The following RIMS2 variants were observed in gnomAD, a reference collection of about 807,000 sequenced individuals.
RIMS2 encodes regulating synaptic membrane exocytosis 2.
RIMS2 carries 59 observed loss-of-function variants against 174.4 expected under a neutral mutation model. That is an observed-to-expected ratio of 0.34 (90% confidence interval 0.27 to 0.42). The LOEUF is 0.42. RIMS2 is among the 10% of genes least tolerant of loss of function. The pLI is 1.00. For missense variants in RIMS2, 1,620 were observed against 1,666.3 expected (o/e 0.97, Z 0.48); for synonymous variants, 606 against 572.5 (o/e 1.06, Z -0.84).
In RIMS2 at chr8:103,912,188, T is replaced by G. The variant is rs1004021924; in HGVS notation, c.1812+16T>G. Reference sequence around the variant, plus strand: ...TGGCTTGAAGGTATGTAATAAAAAGTATGAGATTTTGGCTCTATACTCTTA... The same window carrying G: ...TGGCTTGAAGGTATGTAATAAAAAGGATGAGATTTTGGCTCTATACTCTTA... On this transcript the variant is annotated intron_variant, in intron 6 of 23. Coordinates refer to ENST00000504942, the Ensembl canonical transcript of RIMS2. The G allele has an allele frequency of 1.3e-6, 2 of 1,597,588 alleles. No homozygotes were observed. The highest frequency in any genetic ancestry group is 1.7e-6 in the Non-Finnish European group (2 of 1,169,216).
intron 1 of RIMS2, among the ~76,000 whole-genome samples, chr8:103,633,731 G>T (rs904417091): frequency 6.6e-6 from 1 of 152,068 alleles, no homozygotes; most frequent in South Asian, 2.1e-4. Flanking sequence ...TCCATTCGGG[G>T]AATCAGTTTC....
intron 3 of RIMS2, among the ~76,000 whole-genome samples, chr8:103,812,966 A>G (rs1183927830): frequency 6.6e-6 from 1 of 152,218 alleles, no homozygotes; most frequent in East Asian, 1.9e-4. Context: ...AATGGAAGAG[A>G]GAATGCAGTT....
intron 2 of RIMS2, among the ~76,000 whole-genome samples, chr8:103,707,646 G>C (rs1028659607): frequency 1.3e-5 from 2 of 152,170 alleles, no homozygotes; most frequent in African/African-American, 2.4e-5. Context: ...GGAGTTGGGG[G>C]ATGGGTGACT....
chr8:103,945,239 A>G (rs1372080846), intron 14 of RIMS2, among the ~76,000 whole-genome samples: 1 of 152,064 alleles, frequency 6.6e-6, no homozygotes, highest in Non-Finnish European at 1.5e-5. Context: ...ACAGAAACTG[A>G]TCCATAAAAA....
intron 13 of RIMS2, among the ~76,000 whole-genome samples, chr8:103,941,897 A>G (rs112099165): frequency 0.014 from 2,155 of 152,304 alleles, 67 homozygotes; most frequent in African/African-American, 0.05. Flanking sequence ...GCTTATGAAA[A>G]TTAAACAATA....
intron 19 of RIMS2, among the ~76,000 whole-genome samples, chr8:104,080,277 A>G (rs1385545981): frequency 5.9e-5 from 9 of 152,108 alleles, no homozygotes; most frequent in Admixed American, 5.9e-4. Context: ...AAAGACCACT[A>G]TGAATTAACA....
chr8:103,590,919 C>T (rs1195269974), intron 1 of RIMS2, among the ~76,000 whole-genome samples: 2 of 150,874 alleles, frequency 1.3e-5, no homozygotes, highest in Non-Finnish European at 3.0e-5. Context: ...AGTGAAATTG[C>T]TGGATCGTAG....
chr8:103,940,117 G>A (rs1268821483), intron 13 of RIMS2, among the ~76,000 whole-genome samples: 1 of 152,038 alleles, frequency 6.6e-6, no homozygotes, highest in East Asian at 1.9e-4. Flanking sequence ...GTGTCTCACT[G>A]TACTAGTACC....
At chr8:103,677,536 C>T (rs564199360) in intron 1 of RIMS2, among the ~76,000 whole-genome samples, 30 of 152,124 alleles carry the variant, frequency 2.0e-4, no homozygotes, top group Admixed American at 5.9e-4. Context: ...CTTAAGAATC[C>T]GAGAGAGAAC....
At chr8:104,224,785 C>T (rs1396547773) in intron 19 of RIMS2, among the ~76,000 whole-genome samples, 1 of 151,720 alleles carries the variant, frequency 6.6e-6, no homozygotes, top group Non-Finnish European at 1.5e-5. Flanking sequence ...TGCTTTTTTT[C>T]CTGATAGGGG....
intron 20 of RIMS2, among the ~76,000 whole-genome samples, chr8:104,247,644 C>T (rs1311641706): frequency 1.3e-5 from 2 of 152,204 alleles, no homozygotes; most frequent in African/African-American, 4.8e-5. Flanking sequence ...TACCATTTAT[C>T]AAGATGGAAA....
intron 3 of RIMS2, among the ~76,000 whole-genome samples, chr8:103,789,144 C>A (rs1044856726): frequency 1.3e-5 from 2 of 152,166 alleles, no homozygotes; most frequent in South Asian, 4.2e-4. Flanking sequence ...GCACGGTGCG[C>A]GCACCCACTG....
intron 2 of RIMS2, among the ~76,000 whole-genome samples, chr8:103,703,917 G>A (rs1320601591): frequency 6.6e-6 from 1 of 151,940 alleles, no homozygotes; most frequent in African/African-American, 2.4e-5. Context: ...ACATAAGACT[G>A]TGTTATCTGT....
chr8:104,015,536 T>C, intron 19 of RIMS2: 3 of 598,206 alleles, frequency 5.0e-6, no homozygotes, highest in Non-Finnish European at 8.9e-6. Flanking sequence ...CCAACTGCAA[T>C]TGATGTCCTT....
chr8:104,234,938 C>A (rs184636076), intron 19 of RIMS2, among the ~76,000 whole-genome samples: 84 of 152,234 alleles, frequency 5.5e-4, no homozygotes, highest in African/African-American at 2.0e-3. Flanking sequence ...TTGATGAAAT[C>A]TCCAATTTTT....
At position 104,251,252 on chromosome 8, in the gene RIMS2, T is replaced by C. The variant is rs201975585; in HGVS notation, c.3831+89T>C. On this transcript the variant is annotated intron_variant, in intron 23 of 23. Transcript: ENST00000504942. ...CCCAAATCTTTTCTGTTGTATTCTT[T>C]TATGTTCCTCACAAAGGAAATTCTT... The C allele has an allele frequency of 1.1e-5, 12 of 1,134,752 alleles. No homozygotes were observed. In the East Asian group the frequency reaches 3.1e-4, roughly 29 times the overall value. 70.3% of individuals were successfully genotyped at this position (1,134,752 alleles called of 1,614,324 possible).
chr8:103,724,995 G>A (rs2097508577), intron 2 of RIMS2, among the ~76,000 whole-genome samples: 1 of 152,096 alleles, frequency 6.6e-6, no homozygotes, highest in African/African-American at 2.4e-5. Flanking sequence ...TGAACTGCCT[G>A]TAGAAAATAT....
intron 1 of RIMS2, among the ~76,000 whole-genome samples, chr8:103,670,621 T>C (rs536356295): frequency 2.1e-4 from 32 of 152,142 alleles, no homozygotes; most frequent in Admixed American, 3.9e-4. Context: ...GGTTCAAAGT[T>C]CCACAAATCT....
chr8:103,550,309 A>G (rs1274533169), intron 1 of RIMS2, among the ~76,000 whole-genome samples: 1 of 152,210 alleles, frequency 6.6e-6, no homozygotes, highest in Non-Finnish European at 1.5e-5. Context: ...AACTCACTCA[A>G]AACTGCTCAA....
Sources: allele counts gnomAD v4.1 joint callset (sites outside exome capture counted in the v4.1 genomes callset), GRCh38; gene constraint gnomAD v4.1.1; transcripts MANE v1.5; gene names NCBI Gene and HGNC (gene_info 2026-07-23, HGNC 2026-07-21).